TBC1D32: variants seen among roughly 807,000 people sequenced by gnomAD.
TBC1D32 encodes the protein TBC1 domain family member 32, also known as protein broad-minded.
Under a neutral mutation model 170.3 loss-of-function variants are expected in TBC1D32, and 151 were observed. The ratio of observed to expected loss-of-function variants is 0.89; its 90% CI spans 0.78 to 1.01. The LOEUF (loss-of-function observed/expected upper bound fraction) is 1.01, where lower values mean the gene tolerates loss of function less well. TBC1D32 is among the 50% of genes least tolerant of loss of function. TBC1D32 has a pLI of 0.00. For missense variants in TBC1D32, 1,464 were observed against 1,457.1 expected, an observed-to-expected ratio of 1.00 and a Z score of -0.08; for synonymous variants, 498 against 488.0, an observed-to-expected ratio of 1.02 and a Z score of -0.27.
At chr6:121,181,638 G>T (rs962252764) in intron 22 of TBC1D32, among the ~76,000 whole-genome samples, 1 of 151,992 alleles carries the variant, frequency 6.6e-6, no homozygotes, top group African/African-American at 2.4e-5. Context: ...TATATGCAAA[G>T]AAGAGGAAAT....
chr6:121,160,278 T>C (rs1785449825), intron 23 of TBC1D32, among the ~76,000 whole-genome samples, 175 bp from the exon 24 acceptor site: 2 of 152,190 alleles, frequency 1.3e-5, no homozygotes, highest in East Asian at 1.9e-4. Context: ...CAATGGGTAA[T>C]ACTTAAAACA....
At chr6:121,158,545 A>G (rs1785195285) in intron 24 of TBC1D32, among the ~76,000 whole-genome samples, 1 of 152,116 alleles carries the variant, frequency 6.6e-6, no homozygotes, top group Non-Finnish European at 1.5e-5. Context: ...CTGCTGGGAA[A>G]CTAGTGCATT....
chr6:121,081,212 G>A (rs909195238), intron 31 of TBC1D32, among the ~76,000 whole-genome samples: 3 of 152,084 alleles, frequency 2.0e-5, no homozygotes, highest in Non-Finnish European at 4.4e-5. Flanking sequence ...GTTCAAATTT[G>A]TAATTAGTAA....
chr6:121,243,126 C>T (rs1251403802), intron 17 of TBC1D32, among the ~76,000 whole-genome samples: 1 of 151,478 alleles, frequency 6.6e-6, no homozygotes, highest in Non-Finnish European at 1.5e-5. Flanking sequence ...CCATCTAACA[C>T]AAAGCAATAG....
chr6:121,314,731 G>A (rs2128492972), intron 3 of TBC1D32, among the ~76,000 whole-genome samples: 1 of 152,298 alleles, frequency 6.6e-6, no homozygotes, highest in African/African-American at 2.4e-5. Flanking sequence ...AAAGCTTAAT[G>A]TATATCAGAG....
chr6:121,143,645 T>C (rs574451694), intron 24 of TBC1D32, among the ~76,000 whole-genome samples: 20 of 152,322 alleles, frequency 1.3e-4, no homozygotes, highest in African/African-American at 4.6e-4. Flanking sequence ...TCATTACATG[T>C]GAATCACAAA....
rs60820338 is a variant in TBC1D32 at position 121,259,711 on chromosome 6, A to G, written c.1734-3426T>C. ...AACCTGAATTATCAGCCACAATGTG[A>G]AAAACAGAATAAACCTGATTCATTT... On this transcript the variant is annotated intron_variant, in intron 15 of 31. Transcript: ENST00000398212. 8.8e-3 allele frequency among the ~76,000 whole-genome samples: 1,347 copies of G among 152,328 alleles called. 25 individuals carry two copies. Among genetic ancestry groups the G allele is most frequent in the African/African-American group, 0.031 (1,273 of 41,562 alleles).
chr6:121,178,858 A>G (rs1174615070), intron 22 of TBC1D32, among the ~76,000 whole-genome samples: 2 of 152,178 alleles, frequency 1.3e-5, no homozygotes, highest in Non-Finnish European at 2.9e-5. Flanking sequence ...CTAAATCTGT[A>G]AAGAACTAAA....
At chr6:121,259,741 G>A (rs1467067486) in intron 15 of TBC1D32, among the ~76,000 whole-genome samples, 1 of 152,106 alleles carries the variant, frequency 6.6e-6, no homozygotes, top group African/African-American at 2.4e-5. Flanking sequence ...TCATTTTATA[G>A]AACCTCTCAA....
intron 22 of TBC1D32, among the ~76,000 whole-genome samples, chr6:121,182,641 G>T (rs1251161613): frequency 6.6e-6 from 1 of 151,850 alleles, no homozygotes; most frequent in Admixed American, 6.6e-5. Context: ...TAATATTAAG[G>T]CTAGGTTTAC....
Position 121,334,294 on chromosome 6 carries a change from G to A in TBC1D32, c.137C>T (p.Thr46Ile). Residue 46 changes from threonine (T) to isoleucine (I), a missense_variant, in exon 1 of 32, where the codon ACT (threonine) becomes ATT (isoleucine). Thr to Ile is a moderately conservative substitution (Grantham distance 89). Around this residue, in one of 3 missense-constraint regions of TBC1D32, gnomAD observed 1,363 missense variants for 1,338.1 expected, o/e 1.02. Transcript: ENST00000398212. ...AEEILLHLEE[T>I]DENFHNYEFV... ...ATTTTACTTGTGAAAATTTTCATCA[G>A]TTTCCTCCAGATGTAAAAGAATCTC... 1 of 1,613,950 alleles carries A rather than the reference G, an allele frequency of 6.2e-7. No homozygotes were observed. Among genetic ancestry groups the A allele is most frequent in the African/African-American group, 1.3e-5 (1 of 75,026 alleles).
At chr6:121,121,695 A>G (rs1273720) in intron 26 of TBC1D32, among the ~76,000 whole-genome samples, 41,253 of 151,894 alleles carry the variant, frequency 0.27, 8,519 homozygotes, top group African/African-American at 0.57. Context: ...GACACATTTT[A>G]TAAAGCCTTC....
At chr6:121,281,252 A>G (rs1443931397) in intron 14 of TBC1D32, among the ~76,000 whole-genome samples, 1 of 151,784 alleles carries the variant, frequency 6.6e-6, no homozygotes, top group Non-Finnish European at 1.5e-5. Flanking sequence ...GATTTGCAAA[A>G]CAAATAACTT....
chr6:121,310,703 T>C, intron 4 of TBC1D32, 76 bp downstream of exon 4: 1 of 936,502 alleles, frequency 1.1e-6, no homozygotes, highest in Non-Finnish European at 1.7e-6. Flanking sequence ...AACAACCTGG[T>C]TGCTACTGAT....
At chr6:121,230,174 C>T (rs1174462719) in intron 20 of TBC1D32, among the ~76,000 whole-genome samples, 1 of 152,060 alleles carries the variant, frequency 6.6e-6, no homozygotes, top group Non-Finnish European at 1.5e-5. Context: ...TTTTATTAAA[C>T]AAGTTTCAAG....
chr6:121,117,265 C>G (rs941485127), intron 26 of TBC1D32, among the ~76,000 whole-genome samples: 1 of 152,072 alleles, frequency 6.6e-6, no homozygotes, highest in East Asian at 1.9e-4. Context: ...ATCGAACATC[C>G]ATTTTAAAAA....
chr6:121,113,008 A>C, intron 28 of TBC1D32, 54 bp downstream of exon 28: 2 of 1,331,830 alleles, frequency 1.5e-6, no homozygotes, highest in South Asian at 2.6e-5. Context: ...TCAAAGAATC[A>C]TGAAAAATAT....
intron 21 of TBC1D32, among the ~76,000 whole-genome samples, chr6:121,220,338 G>T (rs1481913074): frequency 6.6e-6 from 1 of 152,170 alleles, no homozygotes; most frequent in African/African-American, 2.4e-5. Flanking sequence ...TTACTGATAT[G>T]AAGAAAGTTT....
At chr6:121,281,325 T>A (rs1338614967) in intron 14 of TBC1D32, among the ~76,000 whole-genome samples, 1 of 107,228 alleles carries the variant, frequency 9.3e-6, no homozygotes, top group South Asian at 4.3e-4. Flanking sequence ...AAAAAAAAAC[T>A]TAGATATTCT....
Sources: gnomAD v4.1 joint callset for allele counts (sites outside exome capture counted in the v4.1 genomes callset) on GRCh38, gnomAD v4.1.1 for gene constraint, gnomAD v4.1.1 regional missense constraint, MANE v1.5 for transcripts, NCBI Gene and HGNC (gene_info 2026-07-23, HGNC 2026-07-21) for gene names.